The following LARGE1 variants were observed in gnomAD, a reference collection of about 807,000 sequenced individuals.
LARGE1 encodes the protein xylosyl- and glucuronyltransferase LARGE1.
LARGE1 carries 43 observed loss-of-function variants against 87.6 expected under a neutral mutation model. The ratio of observed to expected loss-of-function variants is 0.49; its 90% CI spans 0.38 to 0.63. The LOEUF is 0.63. Among genes scored for constraint, LARGE1 ranks in the 30% least tolerant of loss-of-function variants. The pLI is 0.00. For missense variants in LARGE1, 802 were observed against 1,000.2 expected (o/e 0.80, Z 2.67); for synonymous variants, 434 against 394.6 (o/e 1.10, Z -1.18).
chr22:33,123,480 G>A, the LARGE1 span, among the ~76,000 whole-genome samples: 1 of 152,128 alleles, frequency 6.6e-6, no homozygotes, highest in African/African-American at 2.4e-5. Flanking sequence ...GTCTAGTAAG[G>A]ATTTCTACAG....
chr22:33,757,828 C>A, intron 2 of LARGE1, among the ~76,000 whole-genome samples: 1 of 152,104 alleles, frequency 6.6e-6, no homozygotes, highest in Admixed American at 6.5e-5. Flanking sequence ...AAGAAAATAA[C>A]GTCTCTGCGG....
chr22:33,487,513 A>G (rs1243812817), intron 6 of LARGE1, among the ~76,000 whole-genome samples: 1 of 152,052 alleles, frequency 6.6e-6, no homozygotes, highest in Non-Finnish European at 1.5e-5. Context: ...ACCTTTGGAG[A>G]GCCCTTCAGT....
intron 1 of LARGE1, among the ~76,000 whole-genome samples, chr22:33,806,281 TG>T (rs1306703209): frequency 1.3e-5 from 2 of 152,172 alleles, no homozygotes; most frequent in Non-Finnish European, 2.9e-5. Context: ...TGTGAGGTGT[TG>T]GGAGCATCAG....
chr22:33,625,022 C>A (rs148307811), intron 4 of LARGE1, among the ~76,000 whole-genome samples: 48 of 152,298 alleles, frequency 3.2e-4, no homozygotes, highest in African/African-American at 9.9e-4. Context: ...TTGAAGCCCA[C>A]CATGGTTCCC....
chr22:33,178,018 T>G (rs1188780374), intron 11 of LARGE1, among the ~76,000 whole-genome samples: 2 of 152,194 alleles, frequency 1.3e-5, no homozygotes, highest in Non-Finnish European at 2.9e-5. Context: ...CCGCCATGAT[T>G]GCGAGATTCC....
chr22:33,285,226 G>A (rs982639055), intron 12 of LARGE1, among the ~76,000 whole-genome samples: 21 of 152,084 alleles, frequency 1.4e-4, no homozygotes, highest in African/African-American at 4.6e-4. Flanking sequence ...ATGGCTGTCT[G>A]TTTCCATCTC....
chr22:33,728,881 A>G (rs1407125744), intron 2 of LARGE1, among the ~76,000 whole-genome samples: 1 of 152,214 alleles, frequency 6.6e-6, no homozygotes, highest in African/African-American at 2.4e-5. Context: ...GGTTGGCCTC[A>G]GCTTTCTCTA....
intron 1 of LARGE1, among the ~76,000 whole-genome samples, chr22:33,775,649 C>T (rs997658265): frequency 2.6e-5 from 4 of 151,958 alleles, no homozygotes; most frequent in South Asian, 2.1e-4. Context: ...GTCAGGAGTT[C>T]GAGACCAGCC....
chr22:33,155,337 G>C, the LARGE1 span, among the ~76,000 whole-genome samples: 3 of 152,148 alleles, frequency 2.0e-5, no homozygotes, highest in South Asian at 6.2e-4. Context: ...CTTGGTAAAT[G>C]GCTTGACCAA....
chr22:33,899,856 GTA>G (rs770213719), intron 1 of LARGE1, among the ~76,000 whole-genome samples: 3 of 152,222 alleles, frequency 2.0e-5, no homozygotes, highest in Non-Finnish European at 4.4e-5. Context: ...ACATCCAGAT[GTA>G]TATATTCAGA....
chr22:33,893,858 G>A (rs532476178), intron 1 of LARGE1, among the ~76,000 whole-genome samples: 1 of 152,146 alleles, frequency 6.6e-6, no homozygotes, highest in Non-Finnish European at 1.5e-5. Context: ...GTCCATGCAG[G>A]CCTATTATTA....
intron 9 of LARGE1, among the ~76,000 whole-genome samples, chr22:33,345,092 A>T (rs151172676): frequency 4.8e-4 from 73 of 152,304 alleles, no homozygotes; most frequent in Middle Eastern, 3.4e-3. Flanking sequence ...TAATAATAAT[A>T]ATTATTATTA....
At chr22:33,200,935 T>G (rs1924348487) in intron 11 of LARGE1, among the ~76,000 whole-genome samples, 1 of 152,200 alleles carries the variant, frequency 6.6e-6, no homozygotes, top group Non-Finnish European at 1.5e-5. Context: ...CTGAATGGTA[T>G]ACATCAAAGA....
intron 2 of LARGE1, among the ~76,000 whole-genome samples, chr22:33,694,087 C>T (rs1246939687): frequency 6.6e-6 from 1 of 152,142 alleles, no homozygotes; most frequent in Admixed American, 6.5e-5. Flanking sequence ...ATTCTGGAAT[C>T]AGTTTTTCCT....
chr22:33,602,738 C>T (rs1441110878), intron 5 of LARGE1, among the ~76,000 whole-genome samples: 3 of 152,128 alleles, frequency 2.0e-5, no homozygotes, highest in South Asian at 2.1e-4. Context: ...TCTCAAACTC[C>T]TGGGCTCAAG....
chr22:33,892,152 T>C (rs2065022113), intron 1 of LARGE1, among the ~76,000 whole-genome samples: 2 of 152,190 alleles, frequency 1.3e-5, no homozygotes, highest in African/African-American at 2.4e-5. Flanking sequence ...AGTCATTTGT[T>C]GCATAATAAT....
chr22:33,490,523 A>C (rs977884680), intron 6 of LARGE1, among the ~76,000 whole-genome samples: 3 of 152,232 alleles, frequency 2.0e-5, no homozygotes, highest in Non-Finnish European at 2.9e-5. Context: ...AAATAGAATT[A>C]TTTGTAGGCC....
chr22:33,128,653 G>T, the LARGE1 span, among the ~76,000 whole-genome samples: 1 of 137,108 alleles, frequency 7.3e-6, no homozygotes, highest in East Asian at 2.3e-4. Flanking sequence ...CAGCCTGGGG[G>T]ACAAGAGTGA....
chr22:33,640,505 G>A (rs2080395572), intron 3 of LARGE1, among the ~76,000 whole-genome samples: 1 of 152,110 alleles, frequency 6.6e-6, no homozygotes, highest in African/African-American at 2.4e-5. Context: ...AGTCAACATG[G>A]CAGTTCAGGC....
Sources: allele counts gnomAD v4.1 joint callset (sites outside exome capture counted in the v4.1 genomes callset), GRCh38; gene constraint gnomAD v4.1.1; transcripts MANE v1.5; gene names NCBI Gene and HGNC (gene_info 2026-07-23, HGNC 2026-07-21).